Variants in EDIL3 observed in about 807,000 individuals in gnomAD.
EDIL3 encodes EGF-like repeat and discoidin I-like domain-containing protein 3.
In EDIL3, 37 loss-of-function variants were observed where a neutral mutation model predicts 67.4. The observed-to-expected ratio is 0.55, with a 90% confidence interval of 0.42 to 0.72. EDIL3 has a LOEUF of 0.72. Ranked by LOEUF, EDIL3 falls within the 30% of genes least tolerant of loss-of-function variation. The pLI, the probability that EDIL3 is intolerant of heterozygous loss-of-function variation, is 0.00. For missense variants in EDIL3, 527 were observed against 586.3 expected (o/e 0.90, Z 1.04); for synonymous variants, 195 against 196.3 (o/e 0.99, Z 0.05).
chr5:83,979,698 A>G (rs1012253576), intron 9 of EDIL3, among the ~76,000 whole-genome samples: 1 of 152,136 alleles, frequency 6.6e-6, no homozygotes, highest in African/African-American at 2.4e-5. Flanking sequence ...AAAGGTACCC[A>G]TGGTAGCTGC....
chr5:84,081,877 A>ATCCG (rs1432452086), intron 6 of EDIL3, among the ~76,000 whole-genome samples: 2 of 152,166 alleles, frequency 1.3e-5, no homozygotes, highest in East Asian at 3.8e-4. Flanking sequence ...CATGATGGAC[A>ATCCG]AGAATCTCAC....
At chr5:84,319,502 A>C (rs1451860819) in intron 1 of EDIL3, among the ~76,000 whole-genome samples, 961 of 71,994 alleles carry the variant, frequency 0.013, 23 homozygotes, top group Middle Eastern at 0.028. Flanking sequence ...AACAAAAAAA[A>C]AAAAAAAAAA....
In EDIL3 at chr5:84,244,659, T is replaced by C. The variant is rs530187757; in HGVS notation, c.196+9425A>G. On this transcript the variant is annotated intron_variant, in intron 2 of 10. Transcript: ENST00000296591. ...TTCATTCTATCTTCTGTGTTACTAG[T>C]AGTATGAGGAAAGATGAGAACAAAG... Among the ~76,000 whole-genome samples, 3 of 152,294 alleles carry C rather than the reference T, an allele frequency of 2.0e-5. No individual in the cohort carries two copies. The South Asian group carries it at 6.2e-4, about 32-fold the overall frequency.
intron 4 of EDIL3, among the ~76,000 whole-genome samples, chr5:84,173,403 C>G (rs1276645776): frequency 2.0e-5 from 3 of 152,028 alleles, no homozygotes; most frequent in African/African-American, 7.3e-5. Flanking sequence ...AAATGGAGAC[C>G]CTGGCTTTTC....
Position 83,943,529 on chromosome 5 carries a change from T to G in EDIL3, c.1333A>C (p.Asn445His). 6.2e-7 allele frequency: 1 copy of G among 1,612,526 alleles called. No individual in the cohort carries two copies. The change falls in exon 11 of 11, where the codon AAT becomes CAT. Residue 445 changes from asparagine to histidine, a missense_variant. Transcript: ENST00000296591. ...GCATAGATGGGAGGGTCGATGACAT[T>G]TTTTCTGTGAGTGTCATTGTCAAAA... ...GNFDNDTHRK[N>H]VIDPPIYARH...
chr5:84,212,316 C>A (rs772826156), intron 3 of EDIL3, among the ~76,000 whole-genome samples: 1 of 152,230 alleles, frequency 6.6e-6, no homozygotes, highest in Middle Eastern at 3.4e-3. Context: ...AGGATGAGTC[C>A]AGTTGAGAAT....
chr5:84,253,537 T>C (rs934078540), intron 2 of EDIL3, among the ~76,000 whole-genome samples: 1 of 152,194 alleles, frequency 6.6e-6, no homozygotes, highest in Admixed American at 6.5e-5. Flanking sequence ...ACTATTTGAA[T>C]GTAACCAATG....
At chr5:84,160,435 A>G (rs1748582682) in intron 4 of EDIL3, among the ~76,000 whole-genome samples, 1 of 152,144 alleles carries the variant, frequency 6.6e-6, no homozygotes. Flanking sequence ...CCTAGAGAAT[A>G]ATGAATGGTT....
chr5:84,090,899 G>T (rs1385459772), intron 6 of EDIL3, among the ~76,000 whole-genome samples: 1 of 151,346 alleles, frequency 6.6e-6, no homozygotes, highest in African/African-American at 2.4e-5. Context: ...AGTGAGCTGA[G>T]ATTGCACCAC....
chr5:84,085,682 T>A (rs113270532), intron 6 of EDIL3, among the ~76,000 whole-genome samples: 2 of 152,310 alleles, frequency 1.3e-5, no homozygotes, highest in African/African-American at 4.8e-5. Context: ...AGGCAGTCTG[T>A]CCCTTAGCAG....
intron 4 of EDIL3, among the ~76,000 whole-genome samples, chr5:84,169,362 T>C (rs1748768730): frequency 6.6e-6 from 1 of 152,092 alleles, no homozygotes; most frequent in South Asian, 2.1e-4. Flanking sequence ...AATATTGACA[T>C]TACTATGATA....
chr5:84,278,215 TG>T (rs1487483448), intron 1 of EDIL3, among the ~76,000 whole-genome samples: 1 of 152,160 alleles, frequency 6.6e-6, no homozygotes, highest in African/African-American at 2.4e-5. Flanking sequence ...AAACAACATA[TG>T]GAAAAGAATG....
chr5:84,312,804 C>T (rs1418452387), intron 1 of EDIL3, among the ~76,000 whole-genome samples: 1 of 152,158 alleles, frequency 6.6e-6, no homozygotes, highest in Non-Finnish European at 1.5e-5. Context: ...TAAAATAATC[C>T]ATCAAAGTGC....
chr5:84,140,270 C>G (rs543995345), intron 4 of EDIL3, among the ~76,000 whole-genome samples: 2 of 152,220 alleles, frequency 1.3e-5, no homozygotes, highest in East Asian at 1.9e-4. Context: ...TGAAATATAT[C>G]ATGAGTAAAA....
In EDIL3 at chr5:84,083,189, T is replaced by C. The variant is rs189253801; in HGVS notation, c.652-16583A>G. Among the ~76,000 whole-genome samples, 5 of 152,194 alleles carry C rather than the reference T, an allele frequency of 3.3e-5. No homozygotes were observed. In the East Asian group the frequency reaches 9.6e-4, roughly 29 times the overall value. On this transcript the variant is annotated intron_variant, in intron 6 of 10. Coordinates refer to ENST00000296591, the MANE Select transcript of EDIL3 (RefSeq NM_005711.5). Reference sequence around the variant, plus strand: ...AGTGTATTGATGCTCTGAATAACTTTATGAGTGAATAGATACTGAAATTTG... The same window carrying C: ...AGTGTATTGATGCTCTGAATAACTTCATGAGTGAATAGATACTGAAATTTG...
At chr5:83,956,132 C>T (rs563445179) in intron 10 of EDIL3, among the ~76,000 whole-genome samples, 4 of 151,826 alleles carry the variant, frequency 2.6e-5, no homozygotes, top group African/African-American at 9.6e-5. Context: ...TACAGTTGCA[C>T]TTACATTGGG....
chr5:84,261,133 T>C (rs895355168), intron 1 of EDIL3, among the ~76,000 whole-genome samples: 4 of 152,154 alleles, frequency 2.6e-5, no homozygotes, highest in African/African-American at 9.7e-5. Flanking sequence ...TTTGAACCAA[T>C]CTATAGACAG....
intron 3 of EDIL3, among the ~76,000 whole-genome samples, chr5:84,192,335 A>C (rs2112368974): frequency 6.6e-6 from 1 of 152,050 alleles, no homozygotes; most frequent in African/African-American, 2.4e-5. Context: ...AATTTAAACT[A>C]ATCTTATGTC....
In EDIL3 at chr5:84,361,921, A is replaced by T. The variant is rs75168072; in HGVS notation, c.67+22387T>A. Among the ~76,000 whole-genome samples the T allele has an allele frequency of 6.4e-3, 975 of 152,132 alleles. 2 individuals carry two copies. The highest frequency in any genetic ancestry group is 9.0e-3 in the Non-Finnish European group (608 of 67,916). On this transcript the variant is annotated intron_variant, in intron 1 of 10. Coordinates refer to ENST00000296591, the MANE Select transcript of EDIL3 (RefSeq NM_005711.5). ...ATTATCTAAACATAATAGTCTAATA[A>T]CCCAAAATGCAAGCCATAAATACTC...
Sources: gnomAD v4.1 joint callset for allele counts (sites outside exome capture counted in the v4.1 genomes callset) on GRCh38, gnomAD v4.1.1 for gene constraint, MANE v1.5 for transcripts, NCBI Gene and HGNC (gene_info 2026-07-23, HGNC 2026-07-21) for gene names.